The following DSTYK variants were observed in gnomAD, a reference collection of about 807,000 sequenced individuals.
DSTYK encodes the protein dual serine/threonine and tyrosine protein kinase.
DSTYK carries 34 observed loss-of-function variants against 98.7 expected under a neutral mutation model. The ratio of observed to expected loss-of-function variants is 0.34; its 90% CI spans 0.26 to 0.46. DSTYK has a LOEUF of 0.46. Among genes scored for constraint, DSTYK ranks in the 20% least tolerant of loss-of-function variants. DSTYK has a pLI of 1.00. For missense variants in DSTYK, 962 were observed against 1,181.7 expected, an observed-to-expected ratio of 0.81 and a Z score of 2.73; for synonymous variants, 462 against 457.3, an observed-to-expected ratio of 1.01 and a Z score of -0.13.
chr1:205,161,600 T>C (rs1398746022), intron 6 of DSTYK, among the ~76,000 whole-genome samples: 1 of 152,208 alleles, frequency 6.6e-6, no homozygotes, highest in Non-Finnish European at 1.5e-5. Flanking sequence ...CTATCCACTC[T>C]CTGCCTGGAC....
intron 1 of DSTYK, among the ~76,000 whole-genome samples, chr1:205,194,219 T>C (rs541378704): frequency 3.3e-4 from 51 of 152,358 alleles, no homozygotes; most frequent in African/African-American, 1.2e-3. Context: ...TGCTTTTCTC[T>C]TGTTAAACTG....
rs749023249 is a variant in DSTYK at position 205,211,319 on chromosome 1, C to T, written c.217G>A (p.Ala73Thr). 6.2e-7 allele frequency: 1 copy of T among 1,610,892 alleles called. No individual in the cohort carries two copies. The highest frequency in any genetic ancestry group is 8.5e-7 in the Non-Finnish European group (1 of 1,178,814). The change falls in exon 1 of 13, where the codon GCC becomes ACC. Residue 73 changes from alanine (A) to threonine (T), a missense_variant. By Grantham distance (58) the Ala-to-Thr change is moderately conservative (BLOSUM62 0). Coordinates refer to ENST00000367162, the MANE Select transcript of DSTYK (RefSeq NM_015375.3). ...ACATCGCCTGCAGGGCCGCGCTCGGCCCCGCCGCCGCCCGTGAGGGAGGAG... is the reference window on the plus strand; with the variant it reads ...ACATCGCCTGCAGGGCCGCGCTCGGTCCCGCCGCCGCCCGTGAGGGAGGAG... Reference protein sequence around the residue: ...CLSSLTGGGGAERGPAGDVAE... With the variant: ...CLSSLTGGGGTERGPAGDVAE...
chr1:205,173,178 G>C (rs1658118244), intron 2 of DSTYK: 1 of 152,156 alleles, frequency 6.6e-6, no homozygotes, highest in African/African-American at 2.4e-5. Flanking sequence ...CAGATCGTTT[G>C]AGGTCAGGAG....
intron 2 of DSTYK, among the ~76,000 whole-genome samples, chr1:205,179,969 T>C (rs1466891499): frequency 6.6e-6 from 1 of 152,146 alleles, no homozygotes; most frequent in Non-Finnish European, 1.5e-5. Context: ...GGTAGAATCC[T>C]AGCAAAGGCA....
chr1:205,172,811 C>G (rs1658104876), intron 2 of DSTYK, among the ~76,000 whole-genome samples: 1 of 152,078 alleles, frequency 6.6e-6, no homozygotes, highest in African/African-American at 2.4e-5. Flanking sequence ...GTCAATCCAC[C>G]CTTTATCCAA....
At chr1:205,184,210 C>T (rs948588939) in intron 2 of DSTYK, among the ~76,000 whole-genome samples, 2 of 151,724 alleles carry the variant, frequency 1.3e-5, no homozygotes, top group African/African-American at 4.8e-5. Context: ...CTCATACTTT[C>T]CTTTTTGTGA....
chr1:205,186,499 G>T (rs1490885340), intron 2 of DSTYK, among the ~76,000 whole-genome samples: 4 of 152,202 alleles, frequency 2.6e-5, no homozygotes, highest in Admixed American at 2.0e-4. Flanking sequence ...TGGGGTAGAT[G>T]AAGTGGTTAT....
intron 4 of DSTYK, 65 bp downstream of exon 4, chr1:205,163,658 G>A (rs1657801509): frequency 6.9e-6 from 9 of 1,305,008 alleles, no homozygotes; most frequent in Non-Finnish European, 9.8e-6. Flanking sequence ...TTTGAAGTGT[G>A]GACTTGTGCA....
chr1:205,151,274 CT>C (rs1657394560), intron 10 of DSTYK, among the ~76,000 whole-genome samples: 1 of 152,140 alleles, frequency 6.6e-6, no homozygotes, highest in African/African-American at 2.4e-5. Flanking sequence ...CCACTGTAGG[CT>C]TTATAAACAC....
At chr1:205,211,140 C>T (rs1050677279) in intron 1 of DSTYK, 131 bp downstream of exon 1, 5 of 1,341,644 alleles carry the variant, frequency 3.7e-6, no homozygotes, top group Non-Finnish European at 4.9e-6. Context: ...TGCCCGGGGA[C>T]CCGGCCACAC....
chr1:205,180,619 C>T (rs916053129), intron 2 of DSTYK, among the ~76,000 whole-genome samples: 1 of 152,142 alleles, frequency 6.6e-6, no homozygotes, highest in African/African-American at 2.4e-5. Flanking sequence ...CATGTGCTAC[C>T]ACACCCAGCT....
intron 4 of DSTYK, 67 bp from the exon 5 acceptor site, chr1:205,163,073 G>T: frequency 7.5e-7 from 1 of 1,336,100 alleles, no homozygotes; most frequent in Non-Finnish European, 1.1e-6. Flanking sequence ...TGCAATAAAT[G>T]ATACTTATTT....
chr1:205,200,555 T>A (rs1367617361), intron 1 of DSTYK, among the ~76,000 whole-genome samples: 1 of 152,226 alleles, frequency 6.6e-6, no homozygotes, highest in Non-Finnish European at 1.5e-5. Flanking sequence ...AGACAACTAA[T>A]GATTAAGTAG....
intron 12 of DSTYK, 59 bp downstream of exon 12, chr1:205,148,146 C>T: frequency 6.2e-7 from 1 of 1,605,494 alleles, no homozygotes; most frequent in Admixed American, 1.7e-5. Context: ...GTGACATTGC[C>T]TGGGCTCAGT....
chr1:205,160,281 C>T lies in DSTYK; in HGVS notation c.1949-11G>A, dbSNP rs1425100316. Reference sequence around the variant, plus strand: ...CCAGTTTAGGTTTACCTATAAGGTACAGAGACAGAGATAAGGCAGGAGGAA... The same window carrying T: ...CCAGTTTAGGTTTACCTATAAGGTATAGAGACAGAGATAAGGCAGGAGGAA... On this transcript the variant is annotated splice_polypyrimidine_tract_variant and intron_variant, in intron 7 of 12. Transcript: ENST00000367162. 1 of 1,611,114 alleles carries T rather than the reference C, an allele frequency of 6.2e-7. No individual in the cohort carries two copies. Among genetic ancestry groups the T allele is most frequent in the South Asian group, 1.1e-5 (1 of 90,742 alleles).
chr1:205,196,195 A>C (rs1159571646), intron 1 of DSTYK, among the ~76,000 whole-genome samples: 1 of 152,200 alleles, frequency 6.6e-6, no homozygotes, highest in East Asian at 1.9e-4. Flanking sequence ...TAAATAAACA[A>C]GAGAAAAGGA....
rs1347350199 is a variant in DSTYK at position 205,146,182 on chromosome 1, T to C, written c.*1376A>G. ...GTGGTTAAAAGCTCATTGATCAAGT[T>C]TTCCAAACGTCAGTGTGTTAGATTC... is the stretch of plus-strand genomic sequence containing the variant. On this transcript the variant is annotated 3_prime_UTR_variant, in exon 13 of 13. Transcript: ENST00000367162. 1.3e-5 allele frequency: 2 copies of C among 152,204 alleles called. No individual in the cohort carries two copies. Among genetic ancestry groups the C allele is most frequent in the Non-Finnish European group, 2.9e-5 (2 of 68,040 alleles). 9.4% of individuals were successfully genotyped at this position (152,204 alleles called of 1,614,324 possible). A position where few individuals can be genotyped will look rare whatever the true frequency, so the allele number is the denominator to read the frequency against.
Position 205,143,867 on chromosome 1 carries a change from T to A in DSTYK, c.*3691A>T, listed in dbSNP as rs1329873811. 6.6e-6 allele frequency: 1 copy of A among 152,590 alleles called. No individual in the cohort carries two copies. Among genetic ancestry groups the A allele is most frequent in the East Asian group, 1.9e-4 (1 of 5,198 alleles). 9.5% of individuals were successfully genotyped at this position (152,590 alleles called of 1,614,324 possible). On this transcript the variant is annotated 3_prime_UTR_variant, in exon 13 of 13. Coordinates refer to ENST00000367162, the MANE Select transcript of DSTYK (RefSeq NM_015375.3). Reference sequence around the variant, plus strand: ...GTAATGCATTCTTTCCTCCACTGCTTCCTTGAATTTTAGTGTTAAAAATTA... The same window carrying A: ...GTAATGCATTCTTTCCTCCACTGCTACCTTGAATTTTAGTGTTAAAAATTA...
At chr1:205,170,384 C>T (rs969881899) in intron 2 of DSTYK, among the ~76,000 whole-genome samples, 1 of 152,166 alleles carries the variant, frequency 6.6e-6, no homozygotes, top group African/African-American at 2.4e-5. Context: ...CTTCCCTCTT[C>T]TTAAGGTTCA....
Sources: allele counts gnomAD v4.1 joint callset (sites outside exome capture counted in the v4.1 genomes callset), GRCh38; gene constraint gnomAD v4.1.1; transcripts MANE v1.5; gene names NCBI Gene and HGNC (gene_info 2026-07-23, HGNC 2026-07-21).